The following ZNF333 variants were observed in gnomAD, a reference collection of about 807,000 sequenced individuals.
ZNF333 encodes zinc finger protein 333.
A neutral mutation model predicts 76.1 loss-of-function variants in ZNF333; 61 were observed. That is an observed-to-expected ratio of 0.80 (90% CI 0.65 to 0.99). The LOEUF (loss-of-function observed/expected upper bound fraction) is 0.99. Ranked by LOEUF, ZNF333 falls within the 50% of genes least tolerant of loss-of-function variation. The probability of loss-of-function intolerance (pLI) is 0.00; values close to 1 mark genes in which losing one functional copy is unlikely to be tolerated. For missense variants in ZNF333, 717 were observed against 822.4 expected, an observed-to-expected ratio of 0.87 and a Z score of 1.57; for synonymous variants, 284 against 305.0, an observed-to-expected ratio of 0.93 and a Z score of 0.72.
chr19:14,712,453 CA>C (rs2042305379), intron 7 of ZNF333, among the ~76,000 whole-genome samples: 1 of 152,102 alleles, frequency 6.6e-6, no homozygotes, highest in Non-Finnish European at 1.5e-5. Context: ...CTCCTGACCT[CA>C]AATGATAATG....
At chr19:14,722,178 A>G (rs2042597294), downstream of ZNF333, among the ~76,000 whole-genome samples, 1 of 152,232 alleles carries the variant, frequency 6.6e-6, no homozygotes, top group South Asian at 2.1e-4. Context: ...ATAAGTAATG[A>G]TGCAGTGGTA....
intron 8 of ZNF333, among the ~76,000 whole-genome samples, chr19:14,715,695 T>G (rs2042410558): frequency 6.6e-6 from 1 of 152,188 alleles, no homozygotes; most frequent in Non-Finnish European, 1.5e-5. Context: ...AAAGCAAGGA[T>G]GTCAGCTGTC....
chr19:14,717,743 A>C lies in ZNF333; in HGVS notation c.900+10A>C, dbSNP rs2042476641. ...CATTGATGTGAAAGGGGTAAGGCTC[A>C]CCAGGGATTATTCATGGTTCTCTAT... On this transcript the variant is annotated intron_variant, in intron 11 of 11. Coordinates refer to ENST00000292530, the MANE Select transcript of ZNF333 (RefSeq NM_032433.4). 1.2e-6 allele frequency: 2 copies of C among 1,612,862 alleles called. No individual in the cohort carries two copies. Among genetic ancestry groups the C allele is most frequent in the African/African-American group, 1.3e-5 (1 of 74,896 alleles).
chr19:14,718,021 G>A (rs1481406965), intron 11 of ZNF333, among the ~76,000 whole-genome samples: 2 of 152,140 alleles, frequency 1.3e-5, no homozygotes, highest in Non-Finnish European at 2.9e-5. Flanking sequence ...CTAAGAAGCT[G>A]CATGAAAATA....
chr19:14,718,419 A>G lies in ZNF333; in HGVS notation c.1092A>G (p.Lys364=), dbSNP rs1420981705. The change falls in exon 12 of 12, where the codon AAA becomes AAG. Residue 364 remains lysine (K), a synonymous_variant. Coordinates refer to ENST00000292530, the MANE Select transcript of ZNF333 (RefSeq NM_032433.4). Reference sequence around the variant, plus strand: ...CCGAGAAAATCCGTAGTGGGGATAAATCCTATGCATGTAACAAATGTGAAA... The same window carrying G: ...CCGAGAAAATCCGTAGTGGGGATAAGTCCTATGCATGTAACAAATGTGAAA... ...IVPEKIRSGD[K]SYACNKCEKS... is the part of the protein sequence containing the mutation. 1.9e-6 allele frequency: 3 copies of G among 1,614,228 alleles called. No individual in the cohort carries two copies. The highest frequency in any genetic ancestry group is 1.3e-5 in the African/African-American group (1 of 75,062).
intron 5 of ZNF333, chr19:14,701,523 G>C: frequency 9.5e-6 from 9 of 951,236 alleles, no homozygotes; most frequent in Non-Finnish European, 1.1e-5. Flanking sequence ...GAATGGATAA[G>C]GTGTTGCAGA....
At chr19:14,727,024 C>CTTTTTT (rs33936016) in intron 11 of ZNF333, among the ~76,000 whole-genome samples, 40 of 70,098 alleles carry the variant, frequency 5.7e-4, no homozygotes, top group Non-Finnish European at 8.2e-4. Flanking sequence ...AGAAAAGAGG[C>CTTTTTT]TTTTTTTTTT....
intron 3 of ZNF333, 72 bp downstream of exon 3, chr19:14,695,205 G>C (rs3813144): frequency 0.64 from 1,006,481 of 1,562,172 alleles, 330,327 homozygotes; most frequent in African/African-American, 0.88. Context: ...GCCATGTGAA[G>C]AAGACAGACG....
rs991258454 is a variant in ZNF333 at position 14,716,036 on chromosome 19, C to A, written c.601-76C>A. On this transcript the variant is annotated intron_variant, in intron 8 of 11. Coordinates refer to ENST00000292530, the MANE Select transcript of ZNF333 (RefSeq NM_032433.4). ...CTGCCTGGGTTTTCCCTTCCCCAGG[C>A]TTGCCAGCCTCCAGCATCCTCTGGC... 7.6e-5 allele frequency: 121 copies of A among 1,591,720 alleles called. 2 individuals are homozygous for A. The Admixed American group carries it at 2.1e-3, about 28-fold the overall frequency.
In ZNF333 at chr19:14,716,882, CA is replaced by C. The variant is rs1019653820; in HGVS notation, c.728-111del. 10 of 885,624 alleles carry C rather than the reference CA, an allele frequency of 1.1e-5. No homozygotes were observed. The African/African-American group carries it at 1.7e-4, about 15-fold the overall frequency. 54.9% of individuals were successfully genotyped at this position (885,624 alleles called of 1,614,324 possible). A position where few individuals can be genotyped will look rare whatever the true frequency, so the allele number is the denominator to read the frequency against. ...GGCTGTGGCCATCAGAATTTAGGCACATGCATTTTGCCACTCCCATCTCTAG... is the reference window on the plus strand; with the variant it reads ...GGCTGTGGCCATCAGAATTTAGGCACTGCATTTTGCCACTCCCATCTCTAG... On this transcript the variant is annotated intron_variant, in intron 9 of 11. Coordinates refer to ENST00000292530, the MANE Select transcript of ZNF333 (RefSeq NM_032433.4).
At chr19:14,731,388 T>C (rs1232440273) in exon 12 of ZNF333, 12 of 595,492 alleles carry the variant, frequency 2.0e-5, no homozygotes, top group Non-Finnish European at 3.0e-5. Flanking sequence ...GGGAGCTTAG[T>C]CACATACTTC....
At chr19:14,708,596 G>T (rs1041461135) in intron 7 of ZNF333, 6 of 374,504 alleles carry the variant, frequency 1.6e-5, no homozygotes, top group African/African-American at 1.3e-4. Context: ...GCTGATAATG[G>T]GCCTGTTCAC....
chr19:14,691,481 G>C (rs1279228022), intron 1 of ZNF333, among the ~76,000 whole-genome samples: 2 of 152,150 alleles, frequency 1.3e-5, no homozygotes, highest in East Asian at 3.8e-4. Context: ...ATTAACTCCA[G>C]AGGAAAATCA....
intron 5 of ZNF333, 49 bp downstream of exon 5, chr19:14,699,330 G>C (rs1406078168): frequency 6.6e-7 from 1 of 1,517,856 alleles, no homozygotes; most frequent in African/African-American, 1.4e-5. Context: ...AGAAGTTGAG[G>C]AACACGTGAG....
intron 1 of ZNF333, among the ~76,000 whole-genome samples, chr19:14,691,716 A>C (rs1972791508): frequency 1.5e-5 from 2 of 136,884 alleles, no homozygotes; most frequent in African/African-American, 2.8e-5. Flanking sequence ...TCACTTCATC[A>C]CCCAGGCTGG....
downstream of ZNF333, chr19:14,721,976 CTT>C (rs2147034087): frequency 6.6e-6 from 1 of 152,292 alleles, no homozygotes; most frequent in African/African-American, 2.4e-5. Flanking sequence ...GGAGACCTAT[CTT>C]TAGCTTTAGT....
chr19:14,721,820 T>G lies in ZNF333; in HGVS notation c.*2495T>G, dbSNP rs749439324. ...TCCACCGATGGACAGTTAGGTTGAT[T>G]CCATATCTTGGCTATTGTGAATAAT... is the stretch of plus-strand genomic sequence containing the variant. On this transcript the variant is annotated 3_prime_UTR_variant, in exon 12 of 12. Coordinates refer to ENST00000292530, the MANE Select transcript of ZNF333 (RefSeq NM_032433.4). 7 of 152,262 alleles carry G rather than the reference T, an allele frequency of 4.6e-5. No individual in the cohort carries two copies. The highest frequency in any genetic ancestry group is 9.6e-5 in the African/African-American group (4 of 41,472). 9.4% of individuals were successfully genotyped at this position (152,262 alleles called of 1,614,324 possible). A position where few individuals can be genotyped will look rare whatever the true frequency, so the allele number is the denominator to read the frequency against.
At chr19:14,714,007 G>A (rs1314805353) in intron 7 of ZNF333, among the ~76,000 whole-genome samples, 1 of 152,128 alleles carries the variant, frequency 6.6e-6, no homozygotes, top group Non-Finnish European at 1.5e-5. Context: ...GCACACATCA[G>A]TGGGATTTCC....
At chr19:14,725,817 T>C (rs1171643161), downstream of ZNF333, among the ~76,000 whole-genome samples, 1 of 152,196 alleles carries the variant, frequency 6.6e-6, no homozygotes, top group Non-Finnish European at 1.5e-5. Context: ...GCTGCTCTTA[T>C]GGGTTGGAGT....
Sources: allele counts gnomAD v4.1 joint callset (sites outside exome capture counted in the v4.1 genomes callset), GRCh38; gene constraint gnomAD v4.1.1; transcripts MANE v1.5; gene names NCBI Gene and HGNC (gene_info 2026-07-23, HGNC 2026-07-21).